ALK: variants seen among roughly 807,000 people sequenced by gnomAD.
ALK encodes ALK receptor tyrosine kinase, also known as ALK tyrosine kinase receptor.
ALK carries 74 observed loss-of-function variants against 163.1 expected under a neutral mutation model. The ratio of observed to expected loss-of-function variants is 0.45; its 90% CI spans 0.38 to 0.55. The LOEUF is 0.55. ALK is among the 20% of genes least tolerant of loss of function. The pLI, the probability that ALK is intolerant of heterozygous loss-of-function variation, is 0.00. For synonymous variants in ALK, 960 were observed against 843.2 expected, an observed-to-expected ratio of 1.14 and a Z score of -2.40; for missense variants, 2,063 against 2,105.3, an observed-to-expected ratio of 0.98 and a Z score of 0.39.
chr2:29,232,649 G>A (rs1269728132), intron 14 of ALK, among the ~76,000 whole-genome samples: 1 of 152,160 alleles, frequency 6.6e-6, no homozygotes, highest in Non-Finnish European at 1.5e-5. Context: ...TATCAGTCAG[G>A]GTTCAACCAG....
chr2:29,201,321 C>A (rs77837954), intron 26 of ALK, among the ~76,000 whole-genome samples: 1 of 152,126 alleles, frequency 6.6e-6, no homozygotes, highest in South Asian at 2.1e-4. Context: ...CATGCCCAAA[C>A]GGAACTCCTT....
chr2:29,824,427 G>A (rs1310297327), intron 1 of ALK, among the ~76,000 whole-genome samples: 1 of 152,216 alleles, frequency 6.6e-6, no homozygotes, highest in Non-Finnish European at 1.5e-5. Flanking sequence ...CTTGCACCAT[G>A]AGCCTGGAAA....
intron 1 of ALK, among the ~76,000 whole-genome samples, chr2:29,901,231 G>A (rs1198907177): frequency 1.3e-5 from 2 of 152,192 alleles, no homozygotes; most frequent in Non-Finnish European, 2.9e-5. Context: ...AAGATTAGAT[G>A]AGAATGTCTG....
intron 1 of ALK, among the ~76,000 whole-genome samples, chr2:29,730,935 C>T (rs894109184): frequency 3.9e-5 from 6 of 152,112 alleles, no homozygotes; most frequent in African/African-American, 1.4e-4. Flanking sequence ...GCACTGTCAC[C>T]CTGCATCTTG....
rs78193279 is a variant in ALK, at chr2:29,343,813, C to T, written c.1283-15332G>A. Among the ~76,000 whole-genome samples the T allele has an allele frequency of 2.2e-4, 34 of 152,324 alleles. No individual in the cohort carries two copies. The East Asian group carries it at 6.4e-3, about 29-fold the overall frequency. ...TGCTACGAAGTACAGGCAGATGGCACAAAGGGCTGCTTCAGACTGGCAGGT... is the reference window on the plus strand; with the variant it reads ...TGCTACGAAGTACAGGCAGATGGCATAAAGGGCTGCTTCAGACTGGCAGGT... On this transcript the variant is annotated intron_variant, in intron 5 of 28. Transcript: ENST00000389048.
intron 1 of ALK, among the ~76,000 whole-genome samples, chr2:29,750,256 T>C (rs1680319482): frequency 6.6e-6 from 1 of 152,214 alleles, no homozygotes; most frequent in African/African-American, 2.4e-5. Context: ...CTATATGGTA[T>C]AGCCTATCGA....
At chr2:29,216,765 GGATGTGTGA>G (rs1023399226) in intron 23 of ALK, among the ~76,000 whole-genome samples, 4 of 151,516 alleles carry the variant, frequency 2.6e-5, no homozygotes, top group African/African-American at 9.7e-5. Context: ...GGTTTGTGTA[GGATGTGTGA>G]GGTGTGTGTG....
At chr2:29,786,441 A>C (rs1032287338) in intron 1 of ALK, among the ~76,000 whole-genome samples, 9 of 152,228 alleles carry the variant, frequency 5.9e-5, no homozygotes, top group Admixed American at 1.3e-4. Context: ...TTGAACAAAT[A>C]ACTTCTCCTA....
intron 1 of ALK, among the ~76,000 whole-genome samples, chr2:29,884,419 T>C (rs1666939752): frequency 6.6e-6 from 1 of 152,092 alleles, no homozygotes; most frequent in South Asian, 2.1e-4. Context: ...GGTCTGCAGC[T>C]GCCAGCCATT....
intron 5 of ALK, among the ~76,000 whole-genome samples, chr2:29,334,958 G>C (rs1667564856): frequency 6.6e-6 from 1 of 152,204 alleles, no homozygotes; most frequent in Non-Finnish European, 1.5e-5. Flanking sequence ...TTTTAATCAA[G>C]GGCCTGAGTT....
At chr2:29,362,219 G>T (rs1206072915) in intron 5 of ALK, among the ~76,000 whole-genome samples, 1 of 152,186 alleles carries the variant, frequency 6.6e-6, no homozygotes, top group East Asian at 1.9e-4. Context: ...ACAGGAGAAG[G>T]ACGGGAGGTA....
At chr2:29,788,519 T>A (rs1390135880) in intron 1 of ALK, among the ~76,000 whole-genome samples, 2 of 152,132 alleles carry the variant, frequency 1.3e-5, no homozygotes, top group African/African-American at 4.8e-5. Context: ...ACTTGGGTAT[T>A]CATGAGAAAG....
chr2:29,348,365 G>A (rs1668014819), intron 5 of ALK, among the ~76,000 whole-genome samples: 1 of 152,184 alleles, frequency 6.6e-6, no homozygotes, highest in East Asian at 1.9e-4. Context: ...AATAATAAAT[G>A]CTTTCTGTTC....
chr2:29,428,716 T>C lies in ALK; in HGVS notation c.1155-44857A>G, dbSNP rs138008584. Among the ~76,000 whole-genome samples the C allele has an allele frequency of 3.0e-3, 464 of 152,150 alleles. 1 individual carries two copies. The highest frequency in any genetic ancestry group is 5.0e-3 in the Admixed American group (76 of 15,284). ...AAATAATACCAATTATTACAAACTC[T>C]TTCAAACAATAGAAGAAGAGGAAAC... On this transcript the variant is annotated intron_variant, in intron 4 of 28. Transcript: ENST00000389048.
At chr2:29,262,222 G>A (rs1227914676) in intron 11 of ALK, among the ~76,000 whole-genome samples, 1 of 151,972 alleles carries the variant, frequency 6.6e-6, no homozygotes, top group Non-Finnish European at 1.5e-5. Context: ...GGGGCTAAGT[G>A]AGGAGGGGCA....
At chr2:29,261,893 C>G (rs933717689) in intron 11 of ALK, among the ~76,000 whole-genome samples, 4 of 152,168 alleles carry the variant, frequency 2.6e-5, no homozygotes, top group Admixed American at 6.5e-5. Flanking sequence ...GGGCAGTTAA[C>G]TGCAGAAAAT....
At chr2:29,647,734 C>A (rs1676920375) in intron 3 of ALK, among the ~76,000 whole-genome samples, 1 of 148,930 alleles carries the variant, frequency 6.7e-6, no homozygotes, top group Non-Finnish European at 1.5e-5. Flanking sequence ...AGAAGTGTTT[C>A]ATCTACCATA....
At chr2:29,540,455 G>A (rs7569431) in intron 3 of ALK, among the ~76,000 whole-genome samples, 28,199 of 151,836 alleles carry the variant, frequency 0.19, 2,804 homozygotes, top group South Asian at 0.24. Context: ...ACCAATCACC[G>A]TTCTTGCTAT....
chr2:29,821,563 C>T (rs1003757393), intron 1 of ALK, among the ~76,000 whole-genome samples: 1 of 152,156 alleles, frequency 6.6e-6, no homozygotes, highest in Admixed American at 6.5e-5. Context: ...CCAACCCCCA[C>T]AAATGAGAGT....
Sources: gnomAD v4.1 joint callset for allele counts (sites outside exome capture counted in the v4.1 genomes callset) on GRCh38, gnomAD v4.1.1 for gene constraint, MANE v1.5 for transcripts, NCBI Gene and HGNC (gene_info 2026-07-23, HGNC 2026-07-21) for gene names.